Variants in THSD7A observed in about 807,000 individuals in gnomAD.
THSD7A encodes the protein thrombospondin type 1 domain containing 7A, also known as thrombospondin type-1 domain-containing protein 7A.
A neutral mutation model predicts 231.3 loss-of-function variants in THSD7A; 96 were observed. That is an observed-to-expected ratio of 0.41 (90% confidence interval 0.35 to 0.49). The LOEUF (loss-of-function observed/expected upper bound fraction) is 0.49. Among genes scored for constraint, THSD7A ranks in the 20% least tolerant of loss-of-function variants. The pLI is 0.05. For synonymous variants in THSD7A, 940 were observed against 743.3 expected (o/e 1.26, Z -4.30); for missense variants, 2,290 against 2,070.2 (o/e 1.11, Z -2.06).
intron 1 of THSD7A, among the ~76,000 whole-genome samples, chr7:11,688,235 C>G (rs1780121784): frequency 1.3e-5 from 2 of 151,916 alleles, no homozygotes; most frequent in African/African-American, 4.8e-5. Flanking sequence ...AGGACATCAA[C>G]TCATCATTTT....
At chr7:11,486,236 C>T (rs1786651085) in intron 6 of THSD7A, among the ~76,000 whole-genome samples, 1 of 149,722 alleles carries the variant, frequency 6.7e-6, no homozygotes, top group African/African-American at 2.5e-5. Context: ...CTCTTCCTCA[C>T]ATTAAATTTT....
chr7:11,734,771 C>T (rs1781851144), intron 1 of THSD7A, among the ~76,000 whole-genome samples: 2 of 151,836 alleles, frequency 1.3e-5, no homozygotes. Flanking sequence ...TCATACAAGG[C>T]ATAACACAGT....
At chr7:11,754,423 G>A (rs117718396) in intron 1 of THSD7A, among the ~76,000 whole-genome samples, 58 of 152,144 alleles carry the variant, frequency 3.8e-4, no homozygotes, top group Non-Finnish European at 6.0e-4. Context: ...AGATTAAAGG[G>A]AAGGAAGCAG....
intron 7 of THSD7A, among the ~76,000 whole-genome samples, chr7:11,477,841 G>T (rs186113812): frequency 1.6e-4 from 24 of 152,216 alleles, no homozygotes; most frequent in Non-Finnish European, 2.9e-4. Context: ...AGGTCTTGCT[G>T]CTCTCAGGTC....
chr7:11,702,512 G>T (rs1006884121), intron 1 of THSD7A, among the ~76,000 whole-genome samples: 16 of 151,198 alleles, frequency 1.1e-4, no homozygotes, highest in African/African-American at 3.9e-4. Context: ...ACCAGCCTGA[G>T]AAAAGTTTCT....
At chr7:11,702,844 T>C in intron 1 of THSD7A, among the ~76,000 whole-genome samples, 1 of 151,398 alleles carries the variant, frequency 6.6e-6, no homozygotes, top group Middle Eastern at 3.4e-3. Flanking sequence ...AGATATTAAC[T>C]ATGATTATTA....
At chr7:11,678,871 CA>C (rs557018739) in intron 1 of THSD7A, among the ~76,000 whole-genome samples, 18 of 152,116 alleles carry the variant, frequency 1.2e-4, no homozygotes, top group Non-Finnish European at 2.2e-4. Flanking sequence ...ATCCTGATAC[CA>C]AAACCTGGCA....
chr7:11,657,224 C>T (rs1051589093), intron 1 of THSD7A, among the ~76,000 whole-genome samples: 2 of 151,740 alleles, frequency 1.3e-5, no homozygotes, highest in Non-Finnish European at 2.9e-5. Flanking sequence ...ATAAAGAAGA[C>T]ATTAAATCCT....
intron 1 of THSD7A, among the ~76,000 whole-genome samples, chr7:11,718,305 C>A (rs1347956840): frequency 6.6e-6 from 1 of 151,598 alleles, no homozygotes; most frequent in East Asian, 2.0e-4. Context: ...TTTGTTCCCC[C>A]ACCCAAATTG....
At chr7:11,650,393 T>A (rs1032665490) in intron 1 of THSD7A, among the ~76,000 whole-genome samples, 2 of 152,086 alleles carry the variant, frequency 1.3e-5, no homozygotes, top group Non-Finnish European at 2.9e-5. Flanking sequence ...TCATTCCCCA[T>A]CTACAATGCA....
At chr7:11,771,048 T>C (rs1338189670) in intron 1 of THSD7A, among the ~76,000 whole-genome samples, 3 of 151,174 alleles carry the variant, frequency 2.0e-5, no homozygotes, top group Non-Finnish European at 3.0e-5. Flanking sequence ...ATTCTTTCTT[T>C]AAAAATTTTT....
At chr7:11,688,155 G>A (rs1049759557) in intron 1 of THSD7A, among the ~76,000 whole-genome samples, 5 of 146,260 alleles carry the variant, frequency 3.4e-5, no homozygotes, top group African/African-American at 7.6e-5. Context: ...GTGAGAACAT[G>A]CGGTGGTTTT....
In THSD7A at chr7:11,593,284, G is replaced by T; in HGVS notation, c.1241C>A (p.Ser414Tyr). The change falls in exon 3 of 28, where the codon TCT becomes TAT. Residue 414 changes from serine (S) to tyrosine (Y), a missense_variant. Ser to Tyr is a moderately radical substitution (Grantham distance 144). Transcript: ENST00000423059. ...ACAGGGGACAACTCCATCTCCTTGAGACAAACAGGGTTCTTTTTCTTCAAA... is the reference window on the plus strand; with the variant it reads ...ACAGGGGACAACTCCATCTCCTTGATACAAACAGGGTTCTTTTTCTTCAAA... ...PEFEEKEPCLSQGDGVVPCAT... is the reference protein window; with the variant it reads ...PEFEEKEPCLYQGDGVVPCAT... The T allele has an allele frequency of 6.2e-7, 1 of 1,613,954 alleles. No homozygotes were observed. The highest frequency in any genetic ancestry group is 1.1e-5 in the South Asian group (1 of 91,078).
chr7:11,620,051 T>A (rs1316528756), intron 2 of THSD7A, among the ~76,000 whole-genome samples: 1 of 152,184 alleles, frequency 6.6e-6, no homozygotes, highest in East Asian at 1.9e-4. Flanking sequence ...ACCATGGGGT[T>A]GACAAACGTG....
intron 13 of THSD7A, among the ~76,000 whole-genome samples, chr7:11,438,693 G>A (rs985993857): frequency 1.3e-5 from 2 of 151,872 alleles, no homozygotes; most frequent in African/African-American, 4.8e-5. Context: ...AATTAAAGTG[G>A]CCTACAAAAA....
intron 6 of THSD7A, among the ~76,000 whole-genome samples, chr7:11,524,020 T>C (rs1272490488): frequency 6.6e-6 from 1 of 152,178 alleles, no homozygotes; most frequent in African/African-American, 2.4e-5. Flanking sequence ...ATGTAAAAGT[T>C]TCTATTTCAA....
In THSD7A at chr7:11,462,014, T is replaced by C. The variant is rs1785522908; in HGVS notation, c.2498A>G (p.Tyr833Cys). The change falls in exon 10 of 28, where the codon TAC becomes TGC. Residue 833 changes from tyrosine to cysteine, a missense_variant. By Grantham distance (194) the Tyr-to-Cys change is radical (BLOSUM62 -2). Transcript: ENST00000423059. ...CGATGCATTTCTCTAACCCTACCTG[T>C]AGCTTTGGCACGCTTGAGGTGCCTC... ...ACEAPQACQSYRWKTHKWRRC... is the reference protein window; with the variant it reads ...ACEAPQACQSCRWKTHKWRRC... 2.5e-6 allele frequency: 4 copies of C among 1,613,410 alleles called. No homozygotes were observed. The highest frequency in any genetic ancestry group is 2.5e-6 in the Non-Finnish European group (3 of 1,179,498).
At position 11,807,232 on chromosome 7, in the gene THSD7A, C is replaced by T. The variant is rs554539034; in HGVS notation, c.190+24525G>A. Among the ~76,000 whole-genome samples the T allele has an allele frequency of 3.7e-4, 57 of 152,166 alleles. 1 individual carries two copies. Among genetic ancestry groups the T allele is most frequent in the Non-Finnish European group, 2.4e-4 (16 of 68,012 alleles). ...CCATATGGGTAGATGCCATAGGGAT[C>T]ACATGATACAAACCTAGTACTAAAA... On this transcript the variant is annotated intron_variant, in intron 1 of 27. Coordinates refer to ENST00000423059, the MANE Select transcript of THSD7A (RefSeq NM_015204.3).
intron 1 of THSD7A, among the ~76,000 whole-genome samples, chr7:11,735,376 G>A (rs1781881177): frequency 6.6e-6 from 1 of 151,886 alleles, no homozygotes; most frequent in African/African-American, 2.4e-5. Context: ...CTTTTTGAGT[G>A]CCAACATGAT....
Sources: allele counts gnomAD v4.1 joint callset (sites outside exome capture counted in the v4.1 genomes callset), GRCh38; gene constraint gnomAD v4.1.1; transcripts MANE v1.5; gene names NCBI Gene and HGNC (gene_info 2026-07-23, HGNC 2026-07-21).